CDH2: variants seen among roughly 807,000 people sequenced by gnomAD.
CDH2 encodes cadherin 2.
A neutral mutation model predicts 92.0 loss-of-function variants in CDH2; 17 were observed. The ratio of observed to expected loss-of-function variants is 0.18; its 90% CI spans 0.13 to 0.28. CDH2 has a LOEUF of 0.28. Among genes scored for constraint, CDH2 ranks in the 10% least tolerant of loss-of-function variants. CDH2 has a pLI of 1.00. For missense variants in CDH2, 862 were observed against 1,133.1 expected, an observed-to-expected ratio of 0.76 and a Z score of 3.44; for synonymous variants, 419 against 415.9, an observed-to-expected ratio of 1.01 and a Z score of -0.09.
chr18:27,973,913 T>C (rs17493276), intron 14 of CDH2, among the ~76,000 whole-genome samples: 3,620 of 152,276 alleles, frequency 0.024, 146 homozygotes, highest in African/African-American at 0.082. Flanking sequence ...CTTAGGTCCC[T>C]GAATGACTGT....
chr18:28,108,864 C>T (rs998054452), intron 2 of CDH2, among the ~76,000 whole-genome samples: 1 of 151,748 alleles, frequency 6.6e-6, no homozygotes, highest in African/African-American at 2.4e-5. Flanking sequence ...AAAAAAACTT[C>T]CCCTCTCTTC....
chr18:27,945,475 G>A (rs541678065), intron 6 of CDH2, among the ~76,000 whole-genome samples: 49 of 151,664 alleles, frequency 3.2e-4, no homozygotes, highest in Non-Finnish European at 5.7e-4. Flanking sequence ...TGAACTCTAA[G>A]GTCTTCCAGT....
chr18:28,154,448 G>A (rs2016176364), intron 1 of CDH2, among the ~76,000 whole-genome samples: 1 of 152,238 alleles, frequency 6.6e-6, no homozygotes, highest in Admixed American at 6.5e-5. Context: ...CCTCTTACAA[G>A]TATTTACTCT....
chr18:28,000,827 T>C (rs1461734202), intron 7 of CDH2, among the ~76,000 whole-genome samples: 1 of 152,120 alleles, frequency 6.6e-6, no homozygotes, highest in Non-Finnish European at 1.5e-5. Flanking sequence ...CACTTAAAGG[T>C]GTCATACATC....
chr18:28,063,660 A>G (rs2014448925), intron 2 of CDH2, among the ~76,000 whole-genome samples: 1 of 152,214 alleles, frequency 6.6e-6, no homozygotes, highest in Admixed American at 6.5e-5. Flanking sequence ...AGGAAGCCAT[A>G]AAGTGAAGTT....
intron 2 of CDH2, among the ~76,000 whole-genome samples, chr18:28,036,217 A>G (rs1269390007): frequency 1.3e-5 from 2 of 152,170 alleles, no homozygotes. Context: ...TAGAGAAGAC[A>G]AGAGTGAAAT....
chr18:28,062,278 A>G (rs979069342), intron 2 of CDH2, among the ~76,000 whole-genome samples: 3 of 152,234 alleles, frequency 2.0e-5, no homozygotes, highest in African/African-American at 7.2e-5. Flanking sequence ...ATATAATGCA[A>G]TAGGAAAGAC....
chr18:27,992,914 C>T (rs923707815), intron 8 of CDH2, 74 bp from the exon 9 acceptor site: 9 of 1,096,358 alleles, frequency 8.2e-6, no homozygotes, highest in East Asian at 4.9e-5. Flanking sequence ...ATGACCACAC[C>T]GTCCGATTTT....
chr18:28,015,087 A>T (rs2013205960), intron 2 of CDH2, among the ~76,000 whole-genome samples: 1 of 152,142 alleles, frequency 6.6e-6, no homozygotes, highest in Non-Finnish European at 1.5e-5. Flanking sequence ...TTTCTCAAGG[A>T]TCTAAGTAAA....
At chr18:27,967,802 T>G (rs1436171852) in intron 14 of CDH2, among the ~76,000 whole-genome samples, 1 of 152,184 alleles carries the variant, frequency 6.6e-6, no homozygotes, top group Non-Finnish European at 1.5e-5. Flanking sequence ...GGGGAGTTAG[T>G]AAGAAGTTAG....
At chr18:27,961,782 T>G (rs1258454438) in intron 15 of CDH2, among the ~76,000 whole-genome samples, 2 of 152,066 alleles carry the variant, frequency 1.3e-5, no homozygotes, top group Non-Finnish European at 2.9e-5. Flanking sequence ...AAATTATACT[T>G]AAGCTAGAAT....
chr18:28,095,349 G>A (rs969400841), intron 2 of CDH2, among the ~76,000 whole-genome samples: 11 of 152,086 alleles, frequency 7.2e-5, no homozygotes, highest in African/African-American at 2.7e-4. Context: ...AGAAGGACAA[G>A]GTGGGAGAAT....
At chr18:28,032,482 G>A (rs925546656) in intron 2 of CDH2, among the ~76,000 whole-genome samples, 29 of 152,088 alleles carry the variant, frequency 1.9e-4, no homozygotes, top group Non-Finnish European at 2.6e-4. Context: ...TTTTACATAT[G>A]TGTGAATTCA....
At chr18:28,092,953 T>A (rs1476866183) in intron 2 of CDH2, among the ~76,000 whole-genome samples, 1 of 152,160 alleles carries the variant, frequency 6.6e-6, no homozygotes, top group African/African-American at 2.4e-5. Context: ...TTTGAATATT[T>A]TTCTATTATT....
At chr18:27,997,249 TGAG>T (rs1443628199) in intron 7 of CDH2, among the ~76,000 whole-genome samples, 1 of 152,186 alleles carries the variant, frequency 6.6e-6, no homozygotes, top group African/African-American at 2.4e-5. Flanking sequence ...CATCAGTGAA[TGAG>T]GAGGTGAGAA....
chr18:27,992,354 C>A (rs546129714), intron 9 of CDH2, among the ~76,000 whole-genome samples: 2 of 152,246 alleles, frequency 1.3e-5, no homozygotes, highest in African/African-American at 4.8e-5. Flanking sequence ...CAAACTGATT[C>A]AAAAACAATC....
intron 2 of CDH2, among the ~76,000 whole-genome samples, chr18:28,060,729 G>A (rs2014387041): frequency 6.6e-6 from 1 of 152,162 alleles, no homozygotes; most frequent in African/African-American, 2.4e-5. Context: ...AATCTTGTAA[G>A]ATAACATGAT....
intron 2 of CDH2, among the ~76,000 whole-genome samples, chr18:28,074,814 G>C (rs989465145): frequency 1.3e-5 from 2 of 150,544 alleles, no homozygotes; most frequent in African/African-American, 2.4e-5. Flanking sequence ...AAAAAATCTT[G>C]TCAAATTCTG....
At chr18:28,010,315 A>G (rs11564415) in intron 4 of CDH2, among the ~76,000 whole-genome samples, 2,865 of 152,328 alleles carry the variant, frequency 0.019, 65 homozygotes, top group Admixed American at 0.081. Context: ...ATGGAACTCT[A>G]ATACAGTTAT....
Sources: allele counts gnomAD v4.1 joint callset (sites outside exome capture counted in the v4.1 genomes callset), GRCh38; gene constraint gnomAD v4.1.1; transcripts MANE v1.5; gene names NCBI Gene and HGNC (gene_info 2026-07-23, HGNC 2026-07-21).